Variants in ZNF639 observed in about 807,000 individuals in gnomAD.
The protein encoded by ZNF639 is zinc finger protein 639, also known as zinc finger amplified in esophageal squamous cell carcinomas 1.
A neutral mutation model predicts 39.8 loss-of-function variants in ZNF639; 20 were observed. That is an observed-to-expected ratio of 0.50 (90% CI 0.35 to 0.73). ZNF639 has a LOEUF of 0.73. Ranked by LOEUF, ZNF639 falls within the 30% of genes least tolerant of loss-of-function variation. ZNF639 has a pLI of 0.00. For synonymous variants in ZNF639, 176 were observed against 189.8 expected (o/e 0.93, Z 0.60); for missense variants, 477 against 566.2 (o/e 0.84, Z 1.60).
chr3:179,322,936 T>C (rs1727358282), upstream of ZNF639: 1 of 984,770 alleles, frequency 1.0e-6, no homozygotes, highest in Non-Finnish European at 1.2e-6. Flanking sequence ...TGCGGGCCGG[T>C]GGTCCCTCCC....
chr3:179,332,894 G>T, intron 4 of ZNF639, 95 bp from the exon 5 acceptor site: 4 of 1,415,238 alleles, frequency 2.8e-6, no homozygotes, highest in African/African-American at 2.9e-5. Context: ...GTTCCTGTTG[G>T]AATTCAAAAT....
At position 179,323,137 on chromosome 3, in the gene ZNF639, G is replaced by A; in HGVS notation, c.-237G>A. ...CGTGGGGCGCGCGGGGAGGGAGAGG[G>A]GTCGGCCCAGCACAGCGTCCGGGAG... On this transcript the variant is annotated 5_prime_UTR_variant, in exon 1 of 6. Coordinates refer to ENST00000496856, the MANE Select transcript of ZNF639 (RefSeq NM_001303426.2). 1.0e-6 allele frequency: 1 copy of A among 984,796 alleles called. No individual in the cohort carries two copies. The highest frequency in any genetic ancestry group is 1.2e-6 in the Non-Finnish European group (1 of 829,872). 61.0% of individuals were successfully genotyped at this position (984,796 alleles called of 1,614,324 possible).
intron 4 of ZNF639, among the ~76,000 whole-genome samples, chr3:179,330,921 G>T (rs1727870776): frequency 2.0e-5 from 3 of 152,148 alleles, no homozygotes; most frequent in Non-Finnish European, 4.4e-5. Flanking sequence ...TATATATGTG[G>T]TACTGTACAC....
At chr3:179,324,416 G>C (rs1177459805) in intron 1 of ZNF639, among the ~76,000 whole-genome samples, 1 of 151,084 alleles carries the variant, frequency 6.6e-6, no homozygotes, top group Non-Finnish European at 1.5e-5. Flanking sequence ...ATTTCAGAGG[G>C]AGGGGGGACT....
intron 1 of ZNF639, among the ~76,000 whole-genome samples, chr3:179,325,626 G>C (rs1480666711): frequency 2.7e-5 from 4 of 150,924 alleles, no homozygotes; most frequent in East Asian, 4.1e-4. Flanking sequence ...GGGCGCGGTG[G>C]CTCACGCCTG....
In ZNF639 at chr3:179,323,124, G is replaced by A. The variant is rs951575167; in HGVS notation, c.-250G>A. On this transcript the variant is annotated 5_prime_UTR_variant, in exon 1 of 6. Transcript: ENST00000496856. ...CTGGCGCTCAGGGCGTGGGGCGCGC[G>A]GGGAGGGAGAGGGGTCGGCCCAGCA... The A allele has an allele frequency of 5.2e-5, 51 of 984,704 alleles. No homozygotes were observed. The African/African-American group carries it at 8.2e-4, about 16-fold the overall frequency. 61.0% of individuals were successfully genotyped at this position (984,704 alleles called of 1,614,324 possible).
chr3:179,329,215 G>T (rs936758369), intron 3 of ZNF639, among the ~76,000 whole-genome samples: 1 of 152,152 alleles, frequency 6.6e-6, no homozygotes. Context: ...CACTTGAAAT[G>T]ACTATATTCA....
chr3:179,328,079 C>T, intron 2 of ZNF639: 1 of 392,386 alleles, frequency 2.5e-6, no homozygotes, highest in Non-Finnish European at 4.6e-6. Context: ...AGAAAGAAAA[C>T]AGAAATCAGT....
At position 179,329,609 on chromosome 3, in the gene ZNF639, T is replaced by C. The variant is rs1218011930; in HGVS notation, c.59-9T>C. The stretch of plus-strand genomic sequence containing the variant: ...ACTGTACTTGAAATATTTTTCATTT[T>C]ATGTTCAGATTCCTCTGGAATAAGC... On this transcript the variant is annotated splice_polypyrimidine_tract_variant and intron_variant, in intron 3 of 5. Transcript: ENST00000496856. 2.6e-6 allele frequency: 4 copies of C among 1,531,354 alleles called. No homozygotes were observed. The highest frequency in any genetic ancestry group is 3.6e-6 in the Non-Finnish European group (4 of 1,112,358). 94.9% of individuals were successfully genotyped at this position (1,531,354 alleles called of 1,614,324 possible).
At chr3:179,326,294 G>A (rs1727588468) in intron 1 of ZNF639, among the ~76,000 whole-genome samples, 4 of 152,136 alleles carry the variant, frequency 2.6e-5, no homozygotes, top group Admixed American at 6.5e-5. Flanking sequence ...TGGGGAGGCA[G>A]AGGTTGCAAT....
chr3:179,332,085 A>ATGTGCCATGTGGT (rs1304923086), intron 4 of ZNF639, among the ~76,000 whole-genome samples: 2 of 152,230 alleles, frequency 1.3e-5, no homozygotes, highest in Non-Finnish European at 2.9e-5. Context: ...ATGGCACCTT[A>ATGTGCCATGTGGT]ATGGAATGTG....
intron 1 of ZNF639, among the ~76,000 whole-genome samples, chr3:179,326,815 G>A (rs991915450): frequency 6.6e-6 from 1 of 151,400 alleles, no homozygotes; most frequent in East Asian, 2.0e-4. Flanking sequence ...TAGCAGAGAC[G>A]GGATTTCACC....
chr3:179,324,201 A>G (rs185274633), intron 1 of ZNF639, among the ~76,000 whole-genome samples: 10 of 152,348 alleles, frequency 6.6e-5, no homozygotes, highest in African/African-American at 2.4e-4. Flanking sequence ...TAGGAAGAAT[A>G]TACATTGCAT....
At chr3:179,326,221 C>T (rs1026728963) in intron 1 of ZNF639, among the ~76,000 whole-genome samples, 1 of 152,090 alleles carries the variant, frequency 6.6e-6, no homozygotes, top group African/African-American at 2.4e-5. Flanking sequence ...ATCCCAGCCT[C>T]CTGCTGGCGG....
chr3:179,329,109 C>T (rs1489764407), intron 3 of ZNF639, among the ~76,000 whole-genome samples: 2 of 152,150 alleles, frequency 1.3e-5, no homozygotes, highest in African/African-American at 4.8e-5. Context: ...TACTTGGGAC[C>T]ATCTCAGTCT....
chr3:179,334,031 A>G lies in ZNF639; in HGVS notation c.1067A>G (p.His356Arg), dbSNP rs187459215. 5.1e-5 allele frequency: 82 copies of G among 1,614,230 alleles called. No individual in the cohort carries two copies. In the Middle Eastern group the frequency reaches 1.2e-3, roughly 23 times the overall value. Residue 356 changes from histidine to arginine, a missense_variant, in exon 6 of 6, where the codon CAT becomes CGT. Coordinates refer to ENST00000496856, the MANE Select transcript of ZNF639 (RefSeq NM_001303426.2). ...AGTGATAAGTATAACAATGGTGAACATGGACAGTATAGCCTCTTAAGCAAA... is the reference window on the plus strand; with the variant it reads ...AGTGATAAGTATAACAATGGTGAACGTGGACAGTATAGCCTCTTAAGCAAA... ...ELSDKYNNGE[H>R]GQYSLLSKIT... is the part of the protein sequence containing the mutation.
At chr3:179,332,001 C>T (rs1727944241) in intron 4 of ZNF639, among the ~76,000 whole-genome samples, 1 of 152,148 alleles carries the variant, frequency 6.6e-6, no homozygotes, top group Non-Finnish European at 1.5e-5. Context: ...ATTAGCAAGG[C>T]ATCCTACAGA....
rs749164279 is a variant in ZNF639 at position 179,334,086 on chromosome 3, T to G, written c.1122T>G (p.Phe374Leu). ...CCTTTGACAAATGTAAAAACTTCTT[T>G]GTATGTCAAGTATGTGGTTTTCGGA... ...KITFDKCKNF[F>L]VCQVCGFRSR... Residue 374 changes from phenylalanine (F) to leucine (L), a missense_variant, in exon 6 of 6, where the codon TTT becomes TTG. Coordinates refer to ENST00000496856, the MANE Select transcript of ZNF639 (RefSeq NM_001303426.2). The G allele has an allele frequency of 6.2e-7, 1 of 1,613,772 alleles. No individual in the cohort carries two copies. The highest frequency in any genetic ancestry group is 1.7e-5 in the Admixed American group (1 of 59,958).
At position 179,335,889 on chromosome 3, in the gene ZNF639, C is replaced by T. The variant is rs1207504097; in HGVS notation, c.*1467C>T. ...CATTGCAACCTCCGCCTCCCAGGTT[C>T]AAGTGATTCTGCTGCCTCAGCTTCC... On this transcript the variant is annotated 3_prime_UTR_variant, in exon 6 of 6. Transcript: ENST00000496856. 1 of 151,388 alleles carries T rather than the reference C, an allele frequency of 6.6e-6. No individual in the cohort carries two copies. The highest frequency in any genetic ancestry group is 2.4e-5 in the African/African-American group (1 of 41,142). The allele number at this position is 151,388 out of a possible 1,614,324, so 9.4% of individuals were successfully genotyped here. A position where few individuals can be genotyped will look rare whatever the true frequency, so the allele number is the denominator to read the frequency against.
Sources: allele counts gnomAD v4.1 joint callset (sites outside exome capture counted in the v4.1 genomes callset), GRCh38; gene constraint gnomAD v4.1.1; transcripts MANE v1.5; gene names NCBI Gene and HGNC (gene_info 2026-07-23, HGNC 2026-07-21).